Variants in TMEM108 observed in about 807,000 individuals in gnomAD.
TMEM108 encodes transmembrane protein 108, also known as cancer/testis antigen 124.
TMEM108 carries 12 observed loss-of-function variants against 35.1 expected under a neutral mutation model. The observed-to-expected ratio is 0.34, with a 90% CI of 0.22 to 0.55. The LOEUF (loss-of-function observed/expected upper bound fraction) is 0.55. Among genes scored for constraint, TMEM108 ranks in the 20% least tolerant of loss-of-function variants. TMEM108 has a pLI of 0.89. For synonymous variants in TMEM108, 287 were observed against 308.6 expected (o/e 0.93, Z 0.73); for missense variants, 680 against 753.3 (o/e 0.90, Z 1.14).
intron 5 of TMEM108, among the ~76,000 whole-genome samples, chr3:133,390,959 G>A (rs1015828236): frequency 4.6e-5 from 7 of 152,162 alleles, no homozygotes; most frequent in African/African-American, 9.7e-5. Flanking sequence ...TGAGTGAGCT[G>A]AGCTTTGAAC....
chr3:133,101,522 C>A (rs1303468829), intron 2 of TMEM108, among the ~76,000 whole-genome samples: 1 of 152,198 alleles, frequency 6.6e-6, no homozygotes, highest in Non-Finnish European at 1.5e-5. Context: ...GCAGTCCTGA[C>A]CTCCCCAACC....
intron 2 of TMEM108, among the ~76,000 whole-genome samples, chr3:133,108,102 G>C (rs1031295818): frequency 1.3e-5 from 2 of 152,070 alleles, no homozygotes; most frequent in African/African-American, 4.8e-5. Flanking sequence ...ATGATGGTGC[G>C]TGCCTGTAAT....
intron 2 of TMEM108, among the ~76,000 whole-genome samples, chr3:133,085,225 C>T (rs1158074632): frequency 6.6e-6 from 1 of 152,106 alleles, no homozygotes; most frequent in Non-Finnish European, 1.5e-5. Context: ...GAGTCTCTTG[C>T]CTCTTTATCT....
At chr3:133,122,953 C>T (rs924959350) in intron 2 of TMEM108, among the ~76,000 whole-genome samples, 1 of 151,758 alleles carries the variant, frequency 6.6e-6, no homozygotes, top group South Asian at 2.1e-4. Context: ...TCCTAAATAT[C>T]ATTCCTTAAA....
chr3:133,047,205 G>A (rs1383943117), intron 2 of TMEM108, among the ~76,000 whole-genome samples: 1 of 152,222 alleles, frequency 6.6e-6, no homozygotes, highest in African/African-American at 2.4e-5. Context: ...AGGTAGCTAA[G>A]AAAAGGAGCT....
Position 133,122,588 on chromosome 3 carries a change from A to G in TMEM108, c.-47+76568A>G, listed in dbSNP as rs375301570. ...TTTTAAAAATTGGTCAACATTGGCC[A>G]GGCACGGTGGCTCACGCCTGTAATC... is the stretch of plus-strand genomic sequence containing the variant. On this transcript the variant is annotated intron_variant, in intron 2 of 5. Coordinates refer to ENST00000321871, the MANE Select transcript of TMEM108 (RefSeq NM_023943.4). 7.2e-5 allele frequency among the ~76,000 whole-genome samples: 11 copies of G among 152,308 alleles called. 1 individual carries two copies. The highest frequency in any genetic ancestry group is 3.9e-4 in the East Asian group (2 of 5,188).
At chr3:133,360,388 C>T (rs2072309953) in intron 3 of TMEM108, among the ~76,000 whole-genome samples, 1 of 152,114 alleles carries the variant, frequency 6.6e-6, no homozygotes, top group African/African-American at 2.4e-5. Context: ...AAAGAAATGT[C>T]TCTTAAAAGG....
chr3:133,391,250 T>G (rs1576546940), intron 5 of TMEM108, among the ~76,000 whole-genome samples: 1 of 151,782 alleles, frequency 6.6e-6, no homozygotes, highest in Non-Finnish European at 1.5e-5. Flanking sequence ...GATGGATGAG[T>G]AAATAGATGG....
At chr3:133,333,679 G>A (rs2071432342) in intron 3 of TMEM108, among the ~76,000 whole-genome samples, 1 of 152,206 alleles carries the variant, frequency 6.6e-6, no homozygotes, top group African/African-American at 2.4e-5. Flanking sequence ...AGAAGTAACT[G>A]TACAATTTTG....
At chr3:133,237,054 C>T (rs1946247668) in intron 3 of TMEM108, among the ~76,000 whole-genome samples, 1 of 152,118 alleles carries the variant, frequency 6.6e-6, no homozygotes. Context: ...GCATTGAGTA[C>T]AGTAGTTTAA....
intron 2 of TMEM108, among the ~76,000 whole-genome samples, chr3:133,116,996 C>G (rs1173671840): frequency 1.3e-5 from 2 of 152,152 alleles, no homozygotes; most frequent in Admixed American, 6.5e-5. Flanking sequence ...TCTCCAACTC[C>G]CAACCTCAGG....
rs1944505417 is a variant in TMEM108 at position 133,132,591 on chromosome 3, C to G, written c.-47+86571C>G. Among the ~76,000 whole-genome samples, 2 of 152,064 alleles carry G rather than the reference C, an allele frequency of 1.3e-5. 1 individual carries two copies. The highest frequency in any genetic ancestry group is 1.3e-4 in the Admixed American group (2 of 15,278). On this transcript the variant is annotated intron_variant, in intron 2 of 5. Transcript: ENST00000321871. ...CAATACACATGGTCACCCAAAAGCT[C>G]TGAGGGGGATGTACAAGGAGATTCT... is the stretch of plus-strand genomic sequence containing the variant.
chr3:133,276,251 C>T (rs1046735567), intron 3 of TMEM108, among the ~76,000 whole-genome samples: 1 of 152,118 alleles, frequency 6.6e-6, no homozygotes, highest in Non-Finnish European at 1.5e-5. Context: ...GCACCTCTAC[C>T]ATGTTAAAAG....
At chr3:133,130,043 C>T (rs1392801837) in intron 2 of TMEM108, among the ~76,000 whole-genome samples, 3 of 18,278 alleles carry the variant, frequency 1.6e-4, no homozygotes, top group Non-Finnish European at 3.6e-4. Context: ...ATCCACTAAT[C>T]GGCATTGTTG....
At chr3:133,100,796 G>T (rs1372361240) in intron 2 of TMEM108, among the ~76,000 whole-genome samples, 8 of 152,096 alleles carry the variant, frequency 5.3e-5, no homozygotes, top group African/African-American at 1.9e-4. Flanking sequence ...AATGTTAATT[G>T]TAGAAAATAT....
intron 2 of TMEM108, among the ~76,000 whole-genome samples, chr3:133,224,645 C>T (rs1340580446): frequency 6.6e-6 from 1 of 152,072 alleles, no homozygotes; most frequent in African/African-American, 2.4e-5. Context: ...TTGCCCGCTG[C>T]CATGTAAGAT....
chr3:133,065,304 G>A (rs80090005), intron 2 of TMEM108, among the ~76,000 whole-genome samples: 2,693 of 146,304 alleles, frequency 0.018, 35 homozygotes, highest in Admixed American at 0.027. Flanking sequence ...ACACACACAC[G>A]CACATGCACA....
intron 3 of TMEM108, among the ~76,000 whole-genome samples, chr3:133,307,045 CT>C (rs1259918202): frequency 6.6e-6 from 1 of 152,090 alleles, no homozygotes; most frequent in Non-Finnish European, 1.5e-5. Context: ...TGTTTCCTGA[CT>C]TTTTAATGAT....
chr3:133,390,095 G>A (rs1218656311), intron 4 of TMEM108, 85 bp from the exon 5 acceptor site: 3 of 1,537,394 alleles, frequency 2.0e-6, no homozygotes, highest in East Asian at 4.5e-5. Flanking sequence ...CTCCAGCTGG[G>A]AACTCTCCTC....
Sources: gnomAD v4.1 joint callset for allele counts (sites outside exome capture counted in the v4.1 genomes callset) on GRCh38, gnomAD v4.1.1 for gene constraint, MANE v1.5 for transcripts, NCBI Gene and HGNC (gene_info 2026-07-23, HGNC 2026-07-21) for gene names.